TTC39C: variants seen among roughly 807,000 people sequenced by gnomAD.
TTC39C encodes the protein tetratricopeptide repeat protein 39C.
Under a neutral mutation model 76.3 loss-of-function variants are expected in TTC39C, and 33 were observed. That is an observed-to-expected ratio of 0.43 (90% CI 0.33 to 0.58). The LOEUF (loss-of-function observed/expected upper bound fraction) is 0.58. TTC39C is among the 20% of genes least tolerant of loss of function. The pLI is 0.04. For synonymous variants in TTC39C, 254 were observed against 260.6 expected, an observed-to-expected ratio of 0.97 and a Z score of 0.24; for missense variants, 595 against 701.4, an observed-to-expected ratio of 0.85 and a Z score of 1.71.
chr18:24,129,044 T>C, intron 11 of TTC39C, 61 bp downstream of exon 11: 1 of 1,316,242 alleles, frequency 7.6e-7, no homozygotes, highest in South Asian at 1.3e-5. Flanking sequence ...CGTATATGCT[T>C]GTGAATAAGA....
At position 24,118,132 on chromosome 18, in the gene TTC39C, C is replaced by T. The variant is rs1381369240; in HGVS notation, c.1086C>T (p.Cys362=). The change falls in exon 8 of 14, where the codon TGC becomes TGT. Residue 362 remains cysteine (C), a synonymous_variant. Coordinates refer to ENST00000317571, the MANE Select transcript of TTC39C (RefSeq NM_001135993.2). Reference sequence around the variant, plus strand: ...AAAATATTTCTTTCATAGGTTGGTGCAGCATGATAGAGCTCAATTTCAAGG... The same window carrying T: ...AAAATATTTCTTTCATAGGTTGGTGTAGCATGATAGAGCTCAATTTCAAGG... ...QHVCLYEIGW[C]SMIELNFKDA... 2 of 1,613,060 alleles carry T rather than the reference C, an allele frequency of 1.2e-6. No individual in the cohort carries two copies. Among genetic ancestry groups the T allele is most frequent in the Non-Finnish European group, 1.7e-6 (2 of 1,179,544 alleles).
At position 24,132,794 on chromosome 18, in the gene TTC39C, C is replaced by G. The variant is rs1207083214; in HGVS notation, c.*220C>G. On this transcript the variant is annotated 3_prime_UTR_variant, in exon 14 of 14. Transcript: ENST00000317571. ...AGGAGGATGATGATGGTAATAATAA[C>G]TAACCACCTGGGGAGAGGGTTAAGT... 2 of 432,714 alleles carry G rather than the reference C, an allele frequency of 4.6e-6. No homozygotes were observed. The highest frequency in any genetic ancestry group is 4.1e-6 in the Non-Finnish European group (1 of 246,202). The allele number at this position is 432,714 out of a possible 1,614,324, so 26.8% of individuals were successfully genotyped here.
chr18:24,076,038 A>C (rs911752371), intron 4 of TTC39C, among the ~76,000 whole-genome samples: 1 of 152,148 alleles, frequency 6.6e-6, no homozygotes, highest in Non-Finnish European at 1.5e-5. Context: ...GTGCAGTGGC[A>C]CAATCTTGGG....
At chr18:24,097,202 A>C (rs1195625570) in intron 6 of TTC39C, among the ~76,000 whole-genome samples, 2 of 152,212 alleles carry the variant, frequency 1.3e-5, no homozygotes, top group Non-Finnish European at 2.9e-5. Flanking sequence ...AGATGTTATC[A>C]TTCTTTGTCC....
chr18:24,023,993 T>C (rs1460644792), intron 1 of TTC39C, among the ~76,000 whole-genome samples: 29 of 5,888 alleles, frequency 4.9e-3, no homozygotes, highest in African/African-American at 0.016. Flanking sequence ...TATATATATA[T>C]ATATATATAT....
At chr18:24,081,746 A>C (rs1162430154) in intron 5 of TTC39C, among the ~76,000 whole-genome samples, 3 of 152,282 alleles carry the variant, frequency 2.0e-5, no homozygotes, top group Admixed American at 6.5e-5. Context: ...AAATACCATT[A>C]ATTTTTCATT....
chr18:24,014,090 G>A (rs181814772), upstream of TTC39C, among the ~76,000 whole-genome samples: 251 of 152,376 alleles, frequency 1.6e-3, 1 homozygote, highest in African/African-American at 5.5e-3. Flanking sequence ...CGCAGCGCGG[G>A]GCTCCGGGGA....
At chr18:24,113,628 G>T (rs1312715102) in intron 6 of TTC39C, 2 of 702,268 alleles carry the variant, frequency 2.8e-6, no homozygotes, top group Non-Finnish European at 5.2e-6. Context: ...AGAATAAGCT[G>T]TCAGGTCGTC....
At chr18:24,095,714 C>CA (rs199890072) in intron 6 of TTC39C, among the ~76,000 whole-genome samples, 1,927 of 151,680 alleles carry the variant, frequency 0.013, 49 homozygotes, top group East Asian at 0.096. Context: ...AACAAACAAA[C>CA]AAAAAAAAAC....
chr18:24,113,887 T>C (rs2084853088), intron 6 of TTC39C: 2 of 552,064 alleles, frequency 3.6e-6, no homozygotes, highest in East Asian at 3.2e-5. Context: ...AATGAAAGTG[T>C]TGGAAATGTA....
At chr18:24,085,195 G>A (rs1994420) in intron 6 of TTC39C, among the ~76,000 whole-genome samples, 148,401 of 152,348 alleles carry the variant, frequency 0.97, 72,376 homozygotes, top group Non-Finnish European at 1. Flanking sequence ...GATTTACCTC[G>A]GTCATCTCTT....
intron 1 of TTC39C, among the ~76,000 whole-genome samples, chr18:24,021,293 G>A (rs1362054693): frequency 1.3e-5 from 2 of 152,152 alleles, no homozygotes; most frequent in Non-Finnish European, 2.9e-5. Context: ...CTTTCAGCAC[G>A]TCCTCTCCTC....
chr18:24,030,090 A>T (rs2083649144), intron 1 of TTC39C, among the ~76,000 whole-genome samples: 1 of 152,176 alleles, frequency 6.6e-6, no homozygotes, highest in African/African-American at 2.4e-5. Context: ...ACTGTTTATA[A>T]TGAAAATATC....
intron 1 of TTC39C, among the ~76,000 whole-genome samples, chr18:24,007,047 A>G (rs910336269): frequency 1.3e-5 from 2 of 152,230 alleles, no homozygotes; most frequent in Non-Finnish European, 2.9e-5. Flanking sequence ...TTACTTGCAG[A>G]TAGAAAACTT....
intron 6 of TTC39C, chr18:24,113,689 A>C (rs1435426539): frequency 1.4e-6 from 1 of 702,330 alleles, no homozygotes; most frequent in Non-Finnish European, 2.6e-6. Flanking sequence ...AGCATTTCTC[A>C]ATGCCTAAGA....
chr18:24,011,467 G>C (rs1568402926), upstream of TTC39C, among the ~76,000 whole-genome samples: 1 of 152,172 alleles, frequency 6.6e-6, no homozygotes, highest in African/African-American at 2.4e-5. Context: ...TGAGAATAGA[G>C]CCAATAAACA....
intron 6 of TTC39C, among the ~76,000 whole-genome samples, chr18:24,088,153 A>G (rs539733030): frequency 6.6e-6 from 1 of 152,350 alleles, no homozygotes; most frequent in East Asian, 1.9e-4. Context: ...AAGGGGACCA[A>G]ATCAGCTATT....
chr18:24,105,011 T>G (rs1226323137), intron 6 of TTC39C, among the ~76,000 whole-genome samples: 1 of 151,056 alleles, frequency 6.6e-6, no homozygotes, highest in Non-Finnish European at 1.5e-5. Context: ...AGAATTTACA[T>G]AAAAATAAAC....
intron 6 of TTC39C, among the ~76,000 whole-genome samples, chr18:24,101,551 C>G (rs2084675726): frequency 1.3e-5 from 1 of 76,496 alleles, no homozygotes; most frequent in Non-Finnish European, 3.1e-5. Context: ...GAGCGAGACT[C>G]CGTCTCAAAA....
Sources: gnomAD v4.1 joint callset for allele counts (sites outside exome capture counted in the v4.1 genomes callset) on GRCh38, gnomAD v4.1.1 for gene constraint, MANE v1.5 for transcripts, NCBI Gene and HGNC (gene_info 2026-07-23, HGNC 2026-07-21) for gene names.